SGCZ: variants seen among roughly 807,000 people sequenced by gnomAD.
SGCZ encodes sarcoglycan zeta, also known as zeta-sarcoglycan.
A neutral mutation model predicts 41.3 loss-of-function variants in SGCZ; 40 were observed. That is an observed-to-expected ratio of 0.97 (90% CI 0.75 to 1.26). The LOEUF is 1.26. SGCZ is among the 50% of genes most tolerant of loss of function. The pLI is 0.00. For missense variants in SGCZ, 552 were observed against 369.8 expected (o/e 1.49, Z -4.04); for synonymous variants, 206 against 137.5 (o/e 1.50, Z -3.49).
At chr8:14,696,379 G>A (rs1220293439) in intron 1 of SGCZ, among the ~76,000 whole-genome samples, 1 of 152,052 alleles carries the variant, frequency 6.6e-6, no homozygotes, top group Non-Finnish European at 1.5e-5. Context: ...TGCAAGCATG[G>A]CAGAGCGAAA....
At chr8:14,469,365 G>C (rs1389149429) in intron 2 of SGCZ, among the ~76,000 whole-genome samples, 1 of 151,104 alleles carries the variant, frequency 6.6e-6, no homozygotes, top group Non-Finnish European at 1.5e-5. Context: ...TCTCAGTCTG[G>C]TCTACTTGTT....
chr8:14,650,294 T>A (rs1399577742), intron 1 of SGCZ, among the ~76,000 whole-genome samples: 1 of 152,062 alleles, frequency 6.6e-6, no homozygotes, highest in Non-Finnish European at 1.5e-5. Flanking sequence ...AGGCTTCTCA[T>A]CCTAAGCTAG....
intron 1 of SGCZ, among the ~76,000 whole-genome samples, chr8:15,090,106 TA>T (rs1267854570): frequency 6.6e-6 from 1 of 152,194 alleles, no homozygotes; most frequent in East Asian, 1.9e-4. Context: ...CAAAGTGCCT[TA>T]AAAATGGAAA....
intron 1 of SGCZ, among the ~76,000 whole-genome samples, chr8:15,235,367 T>C (rs1042429552): frequency 6.6e-6 from 1 of 152,222 alleles, no homozygotes; most frequent in African/African-American, 2.4e-5. Context: ...CTTGACTACA[T>C]CTCCTCACTT....
intron 2 of SGCZ, among the ~76,000 whole-genome samples, chr8:14,438,393 T>G (rs1315630739): frequency 6.6e-6 from 1 of 152,006 alleles, no homozygotes; most frequent in Non-Finnish European, 1.5e-5. Flanking sequence ...CATAATTCAC[T>G]CTTTGTTTTC....
chr8:14,807,114 G>A (rs1801562204), intron 1 of SGCZ, among the ~76,000 whole-genome samples: 1 of 151,720 alleles, frequency 6.6e-6, no homozygotes, highest in South Asian at 2.1e-4. Context: ...CAAACCCACA[G>A]CCAATATCAT....
At chr8:14,630,236 ATTT>A (rs10547341) in intron 1 of SGCZ, among the ~76,000 whole-genome samples, 1 of 147,052 alleles carries the variant, frequency 6.8e-6, no homozygotes, top group African/African-American at 2.5e-5. Context: ...ATGTGTTTTG[ATTT>A]TTTTTTTTTG....
rs1050462177 is a variant in SGCZ at position 14,468,952 on chromosome 8, C to T, written c.234+85780G>A. Among the ~76,000 whole-genome samples, 4 of 152,200 alleles carry T rather than the reference C, an allele frequency of 2.6e-5. No homozygotes were observed. In the South Asian group the frequency reaches 6.2e-4, roughly 24 times the overall value. ...AACTTTACATACATTCCATTGCCAT[C>T]CTAATTGAATCTACTGTTATCCTGC... On this transcript the variant is annotated intron_variant, in intron 2 of 7. Coordinates refer to ENST00000382080, the MANE Select transcript of SGCZ (RefSeq NM_139167.4).
At chr8:14,413,747 G>C (rs560970316) in intron 2 of SGCZ, among the ~76,000 whole-genome samples, 56 of 151,812 alleles carry the variant, frequency 3.7e-4, no homozygotes, top group Non-Finnish European at 7.1e-4. Flanking sequence ...CTTGTCATCT[G>C]TCATCCTATA....
intron 1 of SGCZ, among the ~76,000 whole-genome samples, chr8:14,767,867 G>A (rs36049498): frequency 0.35 from 53,584 of 152,006 alleles, 11,282 homozygotes; most frequent in East Asian, 0.5. Context: ...CCTCACTGCT[G>A]AAATAGGGCC....
At chr8:14,574,391 G>A (rs1177566092) in intron 1 of SGCZ, among the ~76,000 whole-genome samples, 2 of 152,012 alleles carry the variant, frequency 1.3e-5, no homozygotes, top group African/African-American at 2.4e-5. Flanking sequence ...CAGCCATAAA[G>A]CATAAAGGTA....
chr8:14,691,988 A>G (rs572363493), intron 1 of SGCZ, among the ~76,000 whole-genome samples: 1 of 152,090 alleles, frequency 6.6e-6, no homozygotes, highest in East Asian at 1.9e-4. Context: ...TATTAGTAGG[A>G]TAGTTCACTT....
At chr8:14,902,384 G>T (rs545280258) in intron 1 of SGCZ, among the ~76,000 whole-genome samples, 1 of 152,224 alleles carries the variant, frequency 6.6e-6, no homozygotes, top group East Asian at 1.9e-4. Context: ...TGGTCAGAGT[G>T]ATCTCTTGCA....
At chr8:15,035,911 C>T (rs144202869) in intron 1 of SGCZ, among the ~76,000 whole-genome samples, 25 of 151,974 alleles carry the variant, frequency 1.6e-4, no homozygotes, top group African/African-American at 4.1e-4. Flanking sequence ...ATTGCATTTT[C>T]GGTAATGGAT....
intron 2 of SGCZ, among the ~76,000 whole-genome samples, chr8:14,393,360 A>G (rs1185873368): frequency 6.6e-6 from 1 of 151,754 alleles, no homozygotes; most frequent in East Asian, 1.9e-4. Flanking sequence ...AGGAACTAGG[A>G]CTAGACATGT....
At chr8:14,921,178 C>T (rs536147848) in intron 1 of SGCZ, among the ~76,000 whole-genome samples, 1 of 152,308 alleles carries the variant, frequency 6.6e-6, no homozygotes, top group Non-Finnish European at 1.5e-5. Context: ...CAGCTTCCCG[C>T]ATTCCCTTAA....
At chr8:14,418,776 C>G (rs1329275000) in intron 2 of SGCZ, among the ~76,000 whole-genome samples, 1 of 151,800 alleles carries the variant, frequency 6.6e-6, no homozygotes, top group South Asian at 2.1e-4. Context: ...CATTCTTTTC[C>G]ACTGATGGTT....
chr8:14,971,731 C>T (rs892003360), intron 1 of SGCZ, among the ~76,000 whole-genome samples: 1 of 148,702 alleles, frequency 6.7e-6, no homozygotes, highest in Non-Finnish European at 1.5e-5. Context: ...CTGACTGCAA[C>T]CTCCACCTCC....
chr8:14,426,384 C>T (rs1799783253), intron 2 of SGCZ, among the ~76,000 whole-genome samples: 1 of 152,046 alleles, frequency 6.6e-6, no homozygotes, highest in East Asian at 1.9e-4. Context: ...ATTTGGTTAA[C>T]AGAAGGTAGT....
Sources: allele counts gnomAD v4.1 joint callset (sites outside exome capture counted in the v4.1 genomes callset), GRCh38; gene constraint gnomAD v4.1.1; transcripts MANE v1.5; gene names NCBI Gene and HGNC (gene_info 2026-07-23, HGNC 2026-07-21).